The following WWOX variants were observed in gnomAD, a reference collection of about 807,000 sequenced individuals.
WWOX encodes WW domain-containing oxidoreductase.
WWOX carries 69 observed loss-of-function variants against 46.2 expected under a neutral mutation model. That is an observed-to-expected ratio of 1.49 (90% CI 1.23 to 1.82). The LOEUF is 1.82. WWOX is among the 40% of genes most tolerant of loss of function. The pLI is 0.00. For missense variants in WWOX, 919 were observed against 542.6 expected (o/e 1.69, Z -6.89); for synonymous variants, 359 against 202.6 (o/e 1.77, Z -6.56).
chr16:78,793,016 T>C (rs1041678531), intron 8 of WWOX, among the ~76,000 whole-genome samples: 11 of 152,220 alleles, frequency 7.2e-5, no homozygotes, highest in African/African-American at 2.7e-4. Flanking sequence ...AGATGCGGAA[T>C]TTCCTTGCCC....
At chr16:79,031,366 T>G (rs547652331) in intron 8 of WWOX, among the ~76,000 whole-genome samples, 2 of 152,260 alleles carry the variant, frequency 1.3e-5, no homozygotes, top group East Asian at 3.9e-4. Flanking sequence ...ACACAGCTCC[T>G]GCCTCCTTCT....
intron 8 of WWOX, among the ~76,000 whole-genome samples, chr16:78,971,295 C>G (rs1228410956): frequency 1.3e-5 from 2 of 151,686 alleles, no homozygotes; most frequent in East Asian, 3.9e-4. Context: ...GAAATCCCAT[C>G]TCTACTAAAA....
intron 6 of WWOX, among the ~76,000 whole-genome samples, chr16:78,404,647 G>C (rs1225061147): frequency 6.6e-6 from 1 of 152,156 alleles, no homozygotes; most frequent in Non-Finnish European, 1.5e-5. Flanking sequence ...GAACAAATGG[G>C]AATTTGCCAA....
chr16:79,113,042 C>T (rs932956083), intron 8 of WWOX, among the ~76,000 whole-genome samples: 49 of 152,300 alleles, frequency 3.2e-4, no homozygotes, highest in African/African-American at 1.0e-3. Flanking sequence ...TGCTGAAGAA[C>T]AATGGTGAAC....
chr16:78,661,339 A>G (rs1231596745), intron 8 of WWOX, among the ~76,000 whole-genome samples: 1 of 152,158 alleles, frequency 6.6e-6, no homozygotes, highest in African/African-American at 2.4e-5. Flanking sequence ...TTGCTATTGT[A>G]TCGTAAGGTT....
At chr16:78,637,158 C>T (rs2046591925) in intron 8 of WWOX, among the ~76,000 whole-genome samples, 1 of 152,146 alleles carries the variant, frequency 6.6e-6, no homozygotes, top group Non-Finnish European at 1.5e-5. Flanking sequence ...AGAAATATTC[C>T]TGTCTGTAAT....
intron 8 of WWOX, among the ~76,000 whole-genome samples, chr16:78,578,541 G>T (rs2044964388): frequency 6.6e-6 from 1 of 151,494 alleles, no homozygotes; most frequent in Admixed American, 6.6e-5. Flanking sequence ...ACCTGCCTTG[G>T]CCTCCCAAAG....
At chr16:79,181,485 A>C (rs1382835489) in intron 8 of WWOX, among the ~76,000 whole-genome samples, 1 of 152,064 alleles carries the variant, frequency 6.6e-6, no homozygotes, top group African/African-American at 2.4e-5. Context: ...AGGTGACATA[A>C]TTTTGTATCC....
intron 8 of WWOX, among the ~76,000 whole-genome samples, chr16:78,815,795 C>T (rs1044143757): frequency 6.6e-6 from 1 of 152,222 alleles, no homozygotes; most frequent in African/African-American, 2.4e-5. Context: ...GCCAGTGTTT[C>T]AGTGACCCTC....
In WWOX at chr16:79,148,470, T is replaced by G. The variant is rs138691433; in HGVS notation, c.1057-63138T>G. Among the ~76,000 whole-genome samples the G allele has an allele frequency of 3.7e-3, 569 of 152,322 alleles. 3 individuals carry two copies. Among genetic ancestry groups the G allele is most frequent in the African/African-American group, 0.013 (545 of 41,582 alleles). On this transcript the variant is annotated intron_variant, in intron 8 of 8. Coordinates refer to ENST00000566780, the MANE Select transcript of WWOX (RefSeq NM_016373.4). ...TACGCTGTCTTCATTACTATAGCTA[T>G]GTAGTAAGCCTCATGTCAGGTAGAG...
chr16:78,227,042 T>A (rs968785633), intron 5 of WWOX, among the ~76,000 whole-genome samples: 2 of 152,252 alleles, frequency 1.3e-5, no homozygotes, highest in Non-Finnish European at 2.9e-5. Flanking sequence ...TAGTTCACAA[T>A]GCCAGTGGTT....
intron 5 of WWOX, among the ~76,000 whole-genome samples, chr16:78,228,193 C>T (rs544211989): frequency 1.3e-5 from 2 of 152,212 alleles, no homozygotes; most frequent in Admixed American, 1.3e-4. Context: ...AGAAGATTTT[C>T]CCAGAGTCCA....
At chr16:78,551,501 GC>G (rs2044171309) in intron 8 of WWOX, 1 of 152,222 alleles carries the variant, frequency 6.6e-6, no homozygotes, top group Non-Finnish European at 1.5e-5. Flanking sequence ...GGGAGGCTGG[GC>G]TAAGGTGTTC....
chr16:78,950,047 A>G (rs554121532), intron 8 of WWOX, among the ~76,000 whole-genome samples: 26 of 152,346 alleles, frequency 1.7e-4, no homozygotes, highest in Non-Finnish European at 2.6e-4. Context: ...CTCTAGGTCT[A>G]GTCTGCCATT....
chr16:79,166,976 G>T (rs2050606781), intron 8 of WWOX, among the ~76,000 whole-genome samples: 1 of 151,932 alleles, frequency 6.6e-6, no homozygotes, highest in Admixed American at 6.6e-5. Flanking sequence ...GAGCCTTGCT[G>T]TGTCATCCAG....
At chr16:78,737,179 A>G (rs1357948131) in intron 8 of WWOX, among the ~76,000 whole-genome samples, 9 of 151,738 alleles carry the variant, frequency 5.9e-5, no homozygotes, top group Non-Finnish European at 2.9e-5. Flanking sequence ...GGCTCACTAC[A>G]GCTTCCACCT....
intron 8 of WWOX, among the ~76,000 whole-genome samples, chr16:78,872,541 C>G (rs1007388961): frequency 2.6e-5 from 4 of 152,148 alleles, no homozygotes; most frequent in African/African-American, 9.7e-5. Flanking sequence ...ATTAATCACT[C>G]TAAGCCTCAA....
intron 4 of WWOX, among the ~76,000 whole-genome samples, chr16:78,130,947 A>G (rs940518724): frequency 2.6e-5 from 4 of 152,162 alleles, no homozygotes; most frequent in Admixed American, 1.3e-4. Flanking sequence ...ACGTGGTATA[A>G]CCCATTATAC....
intron 8 of WWOX, among the ~76,000 whole-genome samples, chr16:79,163,835 C>A (rs2050537143): frequency 2.5e-5 from 3 of 122,264 alleles, no homozygotes; most frequent in Non-Finnish European, 3.3e-5. Context: ...AGAATAAGGT[C>A]AGAGGGGGAA....
Sources: allele counts gnomAD v4.1 joint callset (sites outside exome capture counted in the v4.1 genomes callset), GRCh38; gene constraint gnomAD v4.1.1; transcripts MANE v1.5; gene names NCBI Gene and HGNC (gene_info 2026-07-23, HGNC 2026-07-21).